MYPN: variants seen among roughly 807,000 people sequenced by gnomAD.
MYPN encodes myopalladin.
Under a neutral mutation model 129.4 loss-of-function variants are expected in MYPN, and 63 were observed. The ratio of observed to expected loss-of-function variants is 0.49; its 90% confidence interval spans 0.40 to 0.60. The LOEUF (loss-of-function observed/expected upper bound fraction) is 0.60, where lower values mean the gene tolerates loss of function less well. Ranked by LOEUF, MYPN falls within the 20% of genes least tolerant of loss-of-function variation. MYPN has a pLI of 0.00. For missense variants in MYPN, 1,596 were observed against 1,635.4 expected, an observed-to-expected ratio of 0.98 and a Z score of 0.42; for synonymous variants, 629 against 600.9, an observed-to-expected ratio of 1.05 and a Z score of -0.68.
chr10:68,152,805 C>G (rs2042796590), intron 6 of MYPN, among the ~76,000 whole-genome samples: 1 of 149,766 alleles, frequency 6.7e-6, no homozygotes. Flanking sequence ...CCTGGCTAAT[C>G]TTTTGTATTT....
chr10:68,195,528 C>T lies in MYPN; in HGVS notation c.3154C>T (p.His1052Tyr), dbSNP rs1288081136. The T allele has an allele frequency of 6.2e-7, 1 of 1,613,674 alleles. No homozygotes were observed. Among genetic ancestry groups the T allele is most frequent in the African/African-American group, 1.3e-5 (1 of 74,904 alleles). The change falls in exon 15 of 20, where the codon CAC becomes TAC. Residue 1052 changes from histidine to tyrosine, a missense_variant. By Grantham distance (83) the His-to-Tyr change is moderately conservative. Coordinates refer to ENST00000358913, the MANE Select transcript of MYPN (RefSeq NM_032578.4). ...RSRLTSAGQS[H>Y]RGRSRVQERD... ...TCGGCTAACCTCTGCTGGTCAGTCT[C>T]ACAGGTAAAGACAGTAAGAATTCCC... is the stretch of plus-strand genomic sequence containing the variant.
intron 1 of MYPN, among the ~76,000 whole-genome samples, chr10:68,119,699 G>A (rs137900442): frequency 8.3e-4 from 127 of 152,252 alleles, no homozygotes; most frequent in African/African-American, 3.0e-3. Flanking sequence ...GGCGTGCGCC[G>A]CTGTGCCCTG....
At chr10:68,092,584 C>T (rs977580364) in intron 1 of MYPN, among the ~76,000 whole-genome samples, 29 of 151,684 alleles carry the variant, frequency 1.9e-4, no homozygotes, top group African/African-American at 7.0e-4. Flanking sequence ...TACAGGAATG[C>T]TAGTTGTTCT....
At chr10:68,159,025 C>T (rs1283601765) in intron 7 of MYPN, among the ~76,000 whole-genome samples, 1 of 152,042 alleles carries the variant, frequency 6.6e-6, no homozygotes, top group African/African-American at 2.4e-5. Context: ...CTCAGCCTCC[C>T]CAGTAGCTGT....
In MYPN at chr10:68,117,342, G is replaced by C. The variant is rs567507124; in HGVS notation, c.-1-4096G>C. Among the ~76,000 whole-genome samples the C allele has an allele frequency of 2.0e-5, 3 of 152,108 alleles. No homozygotes were observed. The East Asian group carries it at 5.8e-4, about 29-fold the overall frequency. On this transcript the variant is annotated intron_variant, in intron 1 of 19. Transcript: ENST00000358913. ...CTATGTGCTATGTGGGTGCAGAGAC[G>C]ATGGTGTACAAAACATAGTGAAGGA...
Position 68,194,358 on chromosome 10 carries a change from T to A in MYPN, c.2926-5T>A. ...AGTGTACATCTTGATAATTTTTCATTTCAGGTTTACTGGTTCAAAGATGGG... is the reference window on the plus strand; with the variant it reads ...AGTGTACATCTTGATAATTTTTCATATCAGGTTTACTGGTTCAAAGATGGG... On this transcript the variant is annotated splice_polypyrimidine_tract_variant and splice_region_variant and intron_variant, in intron 13 of 19. Transcript: ENST00000358913. 1.2e-6 allele frequency: 2 copies of A among 1,613,332 alleles called. No homozygotes were observed. Among genetic ancestry groups the A allele is most frequent in the Non-Finnish European group, 1.7e-6 (2 of 1,179,526 alleles).
chr10:68,208,787 C>T (rs1465198060), intron 19 of MYPN, among the ~76,000 whole-genome samples: 3 of 152,068 alleles, frequency 2.0e-5, no homozygotes, highest in African/African-American at 4.8e-5. Flanking sequence ...TTCCCTTCCC[C>T]GCCACCACAC....
intron 1 of MYPN, among the ~76,000 whole-genome samples, chr10:68,121,208 G>A (rs1564646652): frequency 6.6e-6 from 1 of 152,166 alleles, no homozygotes; most frequent in Non-Finnish European, 1.5e-5. Flanking sequence ...AGCCCATGAG[G>A]TGGAGGTTGC....
intron 1 of MYPN, among the ~76,000 whole-genome samples, chr10:68,112,903 T>G (rs973210093): frequency 2.0e-5 from 3 of 152,146 alleles, no homozygotes; most frequent in African/African-American, 7.2e-5. Context: ...TTTAAAAAGG[T>G]GATCTGTACA....
intron 1 of MYPN, among the ~76,000 whole-genome samples, chr10:68,094,303 T>G (rs981152268): frequency 6.6e-6 from 1 of 151,964 alleles, no homozygotes; most frequent in Non-Finnish European, 1.5e-5. Context: ...TCGCTCTTGT[T>G]GCCCAGGCTG....
intron 19 of MYPN, among the ~76,000 whole-genome samples, chr10:68,208,789 C>T (rs1408554172): frequency 6.6e-6 from 1 of 152,148 alleles, no homozygotes; most frequent in African/African-American, 2.4e-5. Flanking sequence ...CCCTTCCCCG[C>T]CACCACACTT....
chr10:68,136,128 C>T, intron 2 of MYPN: 1 of 603,182 alleles, frequency 1.7e-6, no homozygotes, highest in Non-Finnish European at 2.1e-6. Flanking sequence ...AGTAACCTCA[C>T]AGCAGAATGG....
chr10:68,135,589 A>C, intron 2 of MYPN: 1 of 578,844 alleles, frequency 1.7e-6, no homozygotes, highest in Non-Finnish European at 2.2e-6. Flanking sequence ...AGCATTGCTA[A>C]ATGAAGCTGG....
chr10:68,165,569 C>A, intron 8 of MYPN, 133 bp from the exon 9 acceptor site: 1 of 754,636 alleles, frequency 1.3e-6, no homozygotes, highest in Non-Finnish European at 2.3e-6. Context: ...ATTGTTTTGA[C>A]CAATTGTTTT....
At chr10:68,166,689 A>T (rs1366963976) in intron 10 of MYPN, 23 bp downstream of exon 10, 1 of 1,613,474 alleles carries the variant, frequency 6.2e-7, no homozygotes, top group East Asian at 2.2e-5. Context: ...TAGGATGAAT[A>T]ACCAGGAGCT....
chr10:68,131,388 C>CA (rs1356877581), intron 2 of MYPN, among the ~76,000 whole-genome samples: 2,997 of 112,736 alleles, frequency 0.027, 35 homozygotes, highest in Middle Eastern at 0.047. Context: ...GACTGTGTCT[C>CA]AAAAAAAAAA....
chr10:68,195,376 C>G, intron 14 of MYPN, 74 bp from the exon 15 acceptor site: 1 of 1,430,636 alleles, frequency 7.0e-7, no homozygotes, highest in Non-Finnish European at 9.9e-7. Flanking sequence ...GTGTTCTGGT[C>G]CAGAAATTTT....
Position 68,121,916 on chromosome 10 carries a change from G to A in MYPN, c.478G>A (p.Glu160Lys). Residue 160 changes from glutamate to lysine, a missense_variant, in exon 2 of 20, where the codon GAG becomes AAG. Coordinates refer to ENST00000358913, the MANE Select transcript of MYPN (RefSeq NM_032578.4). The part of the protein sequence containing the change: ...FLNKAADFIE[E>K]LSSLFKSHSS... Reference sequence around the variant, plus strand: ...AAATAAGGCTGCCGACTTCATTGAAGAGCTATCCTCCCTTTTCAAATCCCA... The same window carrying A: ...AAATAAGGCTGCCGACTTCATTGAAAAGCTATCCTCCCTTTTCAAATCCCA... 6.2e-7 allele frequency: 1 copy of A among 1,614,176 alleles called. No homozygotes were observed. The highest frequency in any genetic ancestry group is 2.2e-5 in the East Asian group (1 of 44,880).
Position 68,166,466 on chromosome 10 carries a change from C to G in MYPN, c.1773C>G (p.Ser591Arg). Residue 591 changes from serine to arginine, a missense_variant, in exon 10 of 20, where the codon AGC becomes AGG. By Grantham distance (110) the Ser-to-Arg change is moderately radical (BLOSUM62 -1). Transcript: ENST00000358913. ...VLVNHNEPRSSSRIGLRVHFN... is the reference protein window; with the variant it reads ...VLVNHNEPRSRSRIGLRVHFN... Reference sequence around the variant, plus strand: ...TGAACCACAATGAGCCCCGGTCCAGCTCCAGGATTGGGCTTCGTGTGCACT... The same window carrying G: ...TGAACCACAATGAGCCCCGGTCCAGGTCCAGGATTGGGCTTCGTGTGCACT... 2 of 1,614,180 alleles carry G rather than the reference C, an allele frequency of 1.2e-6. No individual in the cohort carries two copies. The highest frequency in any genetic ancestry group is 1.7e-6 in the Non-Finnish European group (2 of 1,180,038).
Sources: allele counts gnomAD v4.1 joint callset (sites outside exome capture counted in the v4.1 genomes callset), GRCh38; gene constraint gnomAD v4.1.1; transcripts MANE v1.5; gene names NCBI Gene and HGNC (gene_info 2026-07-23, HGNC 2026-07-21).